Variants in RPGRIP1 observed in about 807,000 individuals in gnomAD.
RPGRIP1 encodes the protein X-linked retinitis pigmentosa GTPase regulator-interacting protein 1.
Under a neutral mutation model 157.9 loss-of-function variants are expected in RPGRIP1, and 128 were observed. The ratio of observed to expected loss-of-function variants is 0.81; its 90% CI spans 0.70 to 0.94. RPGRIP1 has a LOEUF of 0.94. Among genes scored for constraint, RPGRIP1 ranks in the 40% least tolerant of loss-of-function variants. The pLI, the probability that RPGRIP1 is intolerant of heterozygous loss-of-function variation, is 0.00. For synonymous variants in RPGRIP1, 554 were observed against 571.6 expected (o/e 0.97, Z 0.44); for missense variants, 1,486 against 1,545.8 (o/e 0.96, Z 0.65).
At chr14:21,342,278 A>G (rs773559209) in intron 21 of RPGRIP1, among the ~76,000 whole-genome samples, 2 of 152,028 alleles carry the variant, frequency 1.3e-5, no homozygotes, top group South Asian at 2.1e-4. Flanking sequence ...GCAGTGGTTC[A>G]TGCCTCTCAT....
chr14:21,333,899 G>A (rs1884049030), intron 20 of RPGRIP1, among the ~76,000 whole-genome samples: 1 of 150,808 alleles, frequency 6.6e-6, no homozygotes, highest in Admixed American at 6.6e-5. Flanking sequence ...GAGCAGCTGA[G>A]ATAGGAGAGA....
chr14:21,349,621 C>T (rs754380082), intron 24 of RPGRIP1, among the ~76,000 whole-genome samples: 3 of 151,810 alleles, frequency 2.0e-5, no homozygotes, highest in Non-Finnish European at 2.9e-5. Flanking sequence ...AGGCTGGTCT[C>T]GAACTCCCAA....
intron 3 of RPGRIP1, among the ~76,000 whole-genome samples, chr14:21,298,107 G>A (rs1052421413): frequency 1.1e-4 from 16 of 152,014 alleles, no homozygotes; most frequent in Non-Finnish European, 1.6e-4. Context: ...CACTAATTTT[G>A]TCTGTAAGCA....
chr14:21,348,861 A>G (rs1397368540), intron 24 of RPGRIP1, among the ~76,000 whole-genome samples: 1 of 151,648 alleles, frequency 6.6e-6, no homozygotes, highest in Non-Finnish European at 1.5e-5. Flanking sequence ...GTGTTTTACC[A>G]TGTTGGCCAG....
chr14:21,289,673 A>T (rs1314488782), intron 2 of RPGRIP1, among the ~76,000 whole-genome samples: 1 of 152,070 alleles, frequency 6.6e-6, no homozygotes, highest in Non-Finnish European at 1.5e-5. Context: ...ATTATCTAGT[A>T]AAGTTGAACG....
chr14:21,285,249 G>A (rs1244955172), intron 1 of RPGRIP1, among the ~76,000 whole-genome samples: 1 of 151,900 alleles, frequency 6.6e-6, no homozygotes, highest in East Asian at 1.9e-4. Flanking sequence ...TCAGAGAAAG[G>A]CCTCCTGGCA....
chr14:21,339,895 G>A (rs564847586), intron 21 of RPGRIP1, among the ~76,000 whole-genome samples: 224 of 152,286 alleles, frequency 1.5e-3, no homozygotes, highest in African/African-American at 5.2e-3. Context: ...GGGAAAATAT[G>A]TACATCAGTG....
Position 21,349,645 on chromosome 14 carries a change from G to A in RPGRIP1, c.3748+1343G>A, listed in dbSNP as rs61977517. On this transcript the variant is annotated intron_variant, in intron 24 of 24. Coordinates refer to ENST00000400017, the MANE Select transcript of RPGRIP1 (RefSeq NM_020366.4). ...TCGAACTCCCAACCTCATGTGATTC[G>A]CCCTCCACTCAGCCTCCCAAAGTGC... 4.0e-3 allele frequency among the ~76,000 whole-genome samples: 597 copies of A among 149,914 alleles called. 3 individuals are homozygous for A. Among genetic ancestry groups the A allele is most frequent in the Middle Eastern group, 7.5e-3 (2 of 266 alleles).
chr14:21,281,700 AAAT>A lies in RPGRIP1; in HGVS notation c.-39+1544_-39+1546del, dbSNP rs1399284612. 6.9e-3 allele frequency among the ~76,000 whole-genome samples: 748 copies of A among 107,762 alleles called. 10 individuals carry two copies. The highest frequency in any genetic ancestry group is 0.028 in the African/African-American group (714 of 25,374). 70.7% of individuals were successfully genotyped at this position (107,762 alleles called of 152,430 possible). Reference sequence around the variant, plus strand: ...TGAGACCTTGTCTCAAAAAAAAAAAAAATAAATAATAATAATAATAATAATAAT... The same window carrying A: ...TGAGACCTTGTCTCAAAAAAAAAAAAAAATAATAATAATAATAATAATAAT... On this transcript the variant is annotated intron_variant, in intron 1 of 24. Transcript: ENST00000400017.
rs532986410 is a variant in RPGRIP1, at chr14:21,351,263, TAA to T, written c.*51_*52del. On this transcript the variant is annotated 3_prime_UTR_variant, in exon 25 of 25. Coordinates refer to ENST00000400017, the MANE Select transcript of RPGRIP1 (RefSeq NM_020366.4). ...CTAAAAGTCTCTGAGGGAACCATAG[TAA>T]AAAGTCTCTTATAAAGTTAGCTTGC... The T allele has an allele frequency of 5.6e-5, 67 of 1,195,594 alleles. No homozygotes were observed. In the African/African-American group the frequency reaches 7.4e-4, roughly 13 times the overall value. 74.1% of individuals were successfully genotyped at this position (1,195,594 alleles called of 1,614,324 possible).
chr14:21,286,282 C>A (rs1362090983), intron 1 of RPGRIP1, among the ~76,000 whole-genome samples: 3 of 151,918 alleles, frequency 2.0e-5, no homozygotes, highest in Admixed American at 6.6e-5. Context: ...TGAGCCACTG[C>A]ACCTGGCTGA....
At chr14:21,294,830 A>ATTTTTTTTTTTTT (rs746359185) in intron 3 of RPGRIP1, 21 bp downstream of exon 3, 4 of 777,900 alleles carry the variant, frequency 5.1e-6, no homozygotes, top group Non-Finnish European at 4.9e-6. Context: ...TTCTCCTTAA[A>ATTTTTTTTTTTTT]TTTTTTTTTT....
rs112788437 is a variant in RPGRIP1 at position 21,293,649 on chromosome 14, C to T, written c.86-1028C>T. On this transcript the variant is annotated intron_variant, in intron 2 of 24. Coordinates refer to ENST00000400017, the MANE Select transcript of RPGRIP1 (RefSeq NM_020366.4). ...ATCCCAGCACTTTGGGAGGCCGAAGCGGGTGGATCACAAGGTCAAGAGATC... is the reference window on the plus strand; with the variant it reads ...ATCCCAGCACTTTGGGAGGCCGAAGTGGGTGGATCACAAGGTCAAGAGATC... 5.0e-4 allele frequency among the ~76,000 whole-genome samples: 76 copies of T among 152,154 alleles called. 1 individual carries two copies. Among genetic ancestry groups the T allele is most frequent in the African/African-American group, 1.7e-3 (71 of 41,532 alleles).
At chr14:21,349,749 C>T (rs537782715) in intron 24 of RPGRIP1, among the ~76,000 whole-genome samples, 1 of 152,166 alleles carries the variant, frequency 6.6e-6, no homozygotes, top group Non-Finnish European at 1.5e-5. Context: ...TCTTCTACCC[C>T]ATTTCCATCT....
At chr14:21,311,193 G>A (rs1881527739) in intron 8 of RPGRIP1, among the ~76,000 whole-genome samples, 1 of 152,226 alleles carries the variant, frequency 6.6e-6, no homozygotes, top group South Asian at 2.1e-4. Flanking sequence ...AGCTTAGAAA[G>A]TGAAGGCAGC....
intron 23 of RPGRIP1, 109 bp downstream of exon 23, chr14:21,345,306 T>G: frequency 1.4e-6 from 1 of 700,068 alleles, no homozygotes; most frequent in South Asian, 1.8e-5. Flanking sequence ...TTTTTTGAGT[T>G]AATTTACTCT....
intron 20 of RPGRIP1, among the ~76,000 whole-genome samples, chr14:21,332,676 T>TTCTAGGGAATATTCTA (rs1883907496): frequency 6.6e-6 from 1 of 152,214 alleles, no homozygotes; most frequent in African/African-American, 2.4e-5. Flanking sequence ...ATGTGAAATA[T>TTCTAGGGAATATTCTA]GGGACCAGAA....
At chr14:21,312,074 A>C in intron 9 of RPGRIP1, 104 bp downstream of exon 9, 1 of 1,081,602 alleles carries the variant, frequency 9.2e-7, no homozygotes, top group East Asian at 2.6e-5. Context: ...CAAATGACAA[A>C]AACGAAGCTC....
chr14:21,325,151 C>A, intron 15 of RPGRIP1, 81 bp downstream of exon 15: 1 of 1,539,862 alleles, frequency 6.5e-7, no homozygotes, highest in Non-Finnish European at 8.7e-7. Flanking sequence ...CTGGTGGTTT[C>A]TTATTTTCTT....
Sources: gnomAD v4.1 joint callset for allele counts (sites outside exome capture counted in the v4.1 genomes callset) on GRCh38, gnomAD v4.1.1 for gene constraint, MANE v1.5 for transcripts, NCBI Gene and HGNC (gene_info 2026-07-23, HGNC 2026-07-21) for gene names.